GRID1: variants seen among roughly 807,000 people sequenced by gnomAD.
The protein encoded by GRID1 is glutamate receptor ionotropic, delta-1.
A neutral mutation model predicts 98.0 loss-of-function variants in GRID1; 28 were observed. The ratio of observed to expected loss-of-function variants is 0.29; its 90% CI spans 0.21 to 0.39. The LOEUF (loss-of-function observed/expected upper bound fraction) is 0.39, where lower values mean the gene tolerates loss of function less well. Ranked by LOEUF, GRID1 falls within the 10% of genes least tolerant of loss-of-function variation. The pLI is 1.00. For missense variants in GRID1, 1,111 were observed against 1,340.5 expected (o/e 0.83, Z 2.67); for synonymous variants, 553 against 538.5 (o/e 1.03, Z -0.37).
At chr10:85,816,850 C>A (rs551568818) in intron 8 of GRID1, among the ~76,000 whole-genome samples, 10 of 152,264 alleles carry the variant, frequency 6.6e-5, no homozygotes, top group South Asian at 2.1e-4. Context: ...GATCCTCTCC[C>A]TCCTTCCACT....
chr10:85,916,485 G>C lies in GRID1; in HGVS notation c.727-246C>G, dbSNP rs1277367324. ...CAGCCCAGAGCAAGATTAGACGCTT[G>C]GGTTCCTGCAGGCAGCACAGGGTCA... On this transcript the variant is annotated intron_variant, in intron 4 of 15. Transcript: ENST00000327946. This position sits in a 1 kb window ranked among gnomAD's most constrained non-coding sequence, Gnocchi z 4.0. 1.3e-5 allele frequency among the ~76,000 whole-genome samples: 2 copies of C among 152,200 alleles called. No homozygotes were observed. Among genetic ancestry groups the C allele is most frequent in the East Asian group, 3.9e-4 (2 of 5,188 alleles).
At chr10:86,062,089 G>A (rs148020433) in intron 4 of GRID1, among the ~76,000 whole-genome samples, 1 of 152,134 alleles carries the variant, frequency 6.6e-6, no homozygotes, top group South Asian at 2.1e-4. Context: ...CTGTGCTTTC[G>A]CTTCTCCAAC....
chr10:86,133,270 C>T lies in GRID1; in HGVS notation c.726+5549G>A, dbSNP rs115199970. Among the ~76,000 whole-genome samples, 110 of 152,272 alleles carry T rather than the reference C, an allele frequency of 7.2e-4. 4 individuals carry two copies. Among genetic ancestry groups the T allele is most frequent in the African/African-American group, 2.4e-3 (98 of 41,554 alleles). ...GTGCCAGTCTGAGGGTCTGGTTGTA[C>T]CAGTGTATGTGGCTGCTGGTTGTAT... is the stretch of plus-strand genomic sequence containing the variant. On this transcript the variant is annotated intron_variant, in intron 4 of 15. Transcript: ENST00000327946.
chr10:85,997,592 C>T (rs1012768219), intron 4 of GRID1, among the ~76,000 whole-genome samples: 1 of 151,788 alleles, frequency 6.6e-6, no homozygotes, highest in African/African-American at 2.4e-5. Context: ...TAGTAAAAAT[C>T]ACAATACATA....
At chr10:86,127,072 C>G (rs1394275471) in intron 4 of GRID1, among the ~76,000 whole-genome samples, 1 of 152,200 alleles carries the variant, frequency 6.6e-6, no homozygotes, top group South Asian at 2.1e-4. Context: ...ATGGGATGGT[C>G]CCATTTGATC....
intron 2 of GRID1, among the ~76,000 whole-genome samples, chr10:86,241,296 G>T (rs1846628108): frequency 6.6e-6 from 1 of 152,204 alleles, no homozygotes; most frequent in Non-Finnish European, 1.5e-5. Flanking sequence ...GCTCCTCTTT[G>T]TAACTCCCTC....
intron 3 of GRID1, among the ~76,000 whole-genome samples, chr10:86,187,317 T>C (rs1845738920): frequency 6.6e-6 from 1 of 152,226 alleles, no homozygotes; most frequent in South Asian, 2.1e-4. Flanking sequence ...CAGCTCTCTA[T>C]ACCTTACAAG....
intron 4 of GRID1, among the ~76,000 whole-genome samples, chr10:86,026,985 T>C (rs1320612113): frequency 6.6e-6 from 1 of 152,202 alleles, no homozygotes; most frequent in African/African-American, 2.4e-5. Flanking sequence ...CTGGGCTAAG[T>C]CTGGCTCACA....
intron 5 of GRID1, among the ~76,000 whole-genome samples, chr10:85,904,504 A>G (rs1841432745): frequency 6.6e-6 from 1 of 152,172 alleles, no homozygotes; most frequent in Non-Finnish European, 1.5e-5. Context: ...CTGCACAGAG[A>G]GAGAAAAATG....
intron 4 of GRID1, among the ~76,000 whole-genome samples, chr10:86,031,939 G>A (rs1402331314): frequency 6.6e-6 from 1 of 152,088 alleles, no homozygotes. Context: ...GGTTCACTCT[G>A]TCACCACCTT....
At chr10:86,193,469 C>G (rs1238752335) in intron 3 of GRID1, among the ~76,000 whole-genome samples, 1 of 152,040 alleles carries the variant, frequency 6.6e-6, no homozygotes, top group Non-Finnish European at 1.5e-5. Flanking sequence ...ATGCCAGGGT[C>G]TCTAGGGAGA....
At chr10:85,902,335 T>C (rs2131816404) in intron 5 of GRID1, among the ~76,000 whole-genome samples, 1 of 152,290 alleles carries the variant, frequency 6.6e-6, no homozygotes, top group Admixed American at 6.5e-5. Flanking sequence ...AGCGAGAGCT[T>C]TCATCACACT....
chr10:85,979,404 A>G (rs1289497904), intron 4 of GRID1, among the ~76,000 whole-genome samples: 1 of 152,170 alleles, frequency 6.6e-6, no homozygotes, highest in Non-Finnish European at 1.5e-5. Context: ...AACAACACAA[A>G]TGTATTATCT....
At position 85,975,068 on chromosome 10, in the gene GRID1, C is replaced by T. The variant is rs956526611; in HGVS notation, c.727-58829G>A. On this transcript the variant is annotated intron_variant, in intron 4 of 15. Coordinates refer to ENST00000327946, the MANE Select transcript of GRID1 (RefSeq NM_017551.3). Reference sequence around the variant, plus strand: ...CAAGGGTTTCATCCAGAGCCTCATGCAAATCTAAATATGCCACCTTAGACA... The same window carrying T: ...CAAGGGTTTCATCCAGAGCCTCATGTAAATCTAAATATGCCACCTTAGACA... 2.0e-5 allele frequency among the ~76,000 whole-genome samples: 3 copies of T among 152,196 alleles called. No individual in the cohort carries two copies. In the East Asian group the frequency reaches 5.8e-4, roughly 29 times the overall value.
chr10:85,607,717 T>C (rs911700139), intron 15 of GRID1, among the ~76,000 whole-genome samples: 1 of 151,900 alleles, frequency 6.6e-6, no homozygotes, highest in Non-Finnish European at 1.5e-5. Flanking sequence ...TAAGGCAGCT[T>C]GCTGAAGCTC....
chr10:86,057,950 C>T (rs532760985), intron 4 of GRID1, among the ~76,000 whole-genome samples: 1 of 152,228 alleles, frequency 6.6e-6, no homozygotes, highest in South Asian at 2.1e-4. Flanking sequence ...CAGAAATGTT[C>T]GTGGAATTCT....
intron 2 of GRID1, among the ~76,000 whole-genome samples, chr10:86,263,453 G>A (rs993233554): frequency 6.6e-6 from 1 of 152,224 alleles, no homozygotes; most frequent in African/African-American, 2.4e-5. Context: ...TGACTTCGGG[G>A]TTCCAGCGTG....
In GRID1 at chr10:85,938,926, T is replaced by A. The variant is rs77560803; in HGVS notation, c.727-22687A>T. Among the ~76,000 whole-genome samples, 921 of 152,380 alleles carry A rather than the reference T, an allele frequency of 6.0e-3. 3 individuals are homozygous for A. Among genetic ancestry groups the A allele is most frequent in the Non-Finnish European group, 0.011 (723 of 68,040 alleles). On this transcript the variant is annotated intron_variant, in intron 4 of 15. Coordinates refer to ENST00000327946, the MANE Select transcript of GRID1 (RefSeq NM_017551.3). ...GTAAAATCCCTTTTTAAAGTTAATT[T>A]CTTCAAAATAAATTAATCAAGTAAA... is the stretch of plus-strand genomic sequence containing the variant.
At chr10:86,305,980 C>T (rs1309123783) in intron 2 of GRID1, among the ~76,000 whole-genome samples, 3 of 152,190 alleles carry the variant, frequency 2.0e-5, no homozygotes, top group Non-Finnish European at 4.4e-5. Flanking sequence ...CCAATTCCGC[C>T]CACCATAACT....
Sources: allele counts gnomAD v4.1 joint callset (sites outside exome capture counted in the v4.1 genomes callset), GRCh38; gene constraint gnomAD v4.1.1; non-coding constraint Gnocchi (gnomAD v3.1); transcripts MANE v1.5; gene names NCBI Gene and HGNC (gene_info 2026-07-23, HGNC 2026-07-21).